Variants in CHCHD6 observed in about 807,000 individuals in gnomAD.
CHCHD6 encodes MICOS complex subunit MIC25.
A neutral mutation model predicts 32.3 loss-of-function variants in CHCHD6; 28 were observed. The observed-to-expected ratio is 0.87, with a 90% CI of 0.64 to 1.19. The LOEUF (loss-of-function observed/expected upper bound fraction) is 1.19, where lower values mean the gene tolerates loss of function less well. CHCHD6 is among the 50% of genes most tolerant of loss of function. The pLI, the probability that CHCHD6 is intolerant of heterozygous loss-of-function variation, is 0.00. For synonymous variants in CHCHD6, 122 were observed against 117.5 expected (o/e 1.04, Z -0.25); for missense variants, 333 against 307.0 (o/e 1.08, Z -0.63).
At chr3:126,936,942 C>T (rs1335788354) in intron 6 of CHCHD6, among the ~76,000 whole-genome samples, 1 of 152,202 alleles carries the variant, frequency 6.6e-6, no homozygotes, top group Non-Finnish European at 1.5e-5. Context: ...CTATTGGTCC[C>T]TTCCCTCCTT....
intron 2 of CHCHD6, among the ~76,000 whole-genome samples, chr3:126,727,761 C>A (rs62263267): frequency 0.14 from 21,224 of 152,198 alleles, 1,992 homozygotes; most frequent in Non-Finnish European, 0.21. Flanking sequence ...CTGATTTGTT[C>A]CCTACTGTAT....
chr3:126,840,656 ATTTTC>A (rs1410933122), intron 4 of CHCHD6, among the ~76,000 whole-genome samples: 3 of 152,052 alleles, frequency 2.0e-5, no homozygotes, highest in Non-Finnish European at 2.9e-5. Context: ...GGATAGGTAT[ATTTTC>A]TTTTCTGATT....
At chr3:126,725,063 C>A (rs1268178880) in intron 1 of CHCHD6, among the ~76,000 whole-genome samples, 2 of 152,166 alleles carry the variant, frequency 1.3e-5, no homozygotes, top group East Asian at 3.8e-4. Flanking sequence ...TGACCTCTTC[C>A]CATGAATCAT....
intron 5 of CHCHD6, among the ~76,000 whole-genome samples, chr3:126,912,745 G>T (rs1452637238): frequency 2.6e-5 from 4 of 152,214 alleles, no homozygotes; most frequent in African/African-American, 9.6e-5. Context: ...TTCCCCAGGG[G>T]CTCACCTTCC....
intron 4 of CHCHD6, chr3:126,766,877 G>A (rs1559831469): frequency 1.0e-6 from 1 of 968,852 alleles, no homozygotes; most frequent in Non-Finnish European, 1.7e-6. Context: ...TTCACCAGGT[G>A]GGGGACCATC....
chr3:126,855,481 GT>G (rs1425968070), intron 5 of CHCHD6, among the ~76,000 whole-genome samples: 1 of 152,208 alleles, frequency 6.6e-6, no homozygotes, highest in Non-Finnish European at 1.5e-5. Flanking sequence ...TGGGGGCTCT[GT>G]TTCATGTCAC....
At chr3:126,808,911 A>G (rs752703361) in intron 4 of CHCHD6, among the ~76,000 whole-genome samples, 7 of 152,098 alleles carry the variant, frequency 4.6e-5, no homozygotes, top group African/African-American at 7.2e-5. Flanking sequence ...AGCAGATGTT[A>G]TTGTCCGCAA....
At chr3:126,865,362 C>T (rs1942254820) in intron 5 of CHCHD6, among the ~76,000 whole-genome samples, 1 of 151,858 alleles carries the variant, frequency 6.6e-6, no homozygotes, top group Non-Finnish European at 1.5e-5. Context: ...TCTGCCCCCA[C>T]CACCACCACC....
chr3:126,960,126 C>T (rs767912611), intron 7 of CHCHD6, 70 bp from the exon 8 acceptor site: 31 of 1,543,586 alleles, frequency 2.0e-5, no homozygotes, highest in Middle Eastern at 1.7e-4. Flanking sequence ...TGTCACAGGG[C>T]GATCTGCACG....
intron 4 of CHCHD6, among the ~76,000 whole-genome samples, chr3:126,735,883 G>A (rs543652013): frequency 1.1e-4 from 17 of 152,246 alleles, no homozygotes; most frequent in African/African-American, 3.9e-4. Context: ...CTATTGGAAA[G>A]GCATCTCCTA....
In CHCHD6 at chr3:126,811,405, A is replaced by G. The variant is rs1483784117; in HGVS notation, c.412-41242A>G. Among the ~76,000 whole-genome samples, 4 of 152,316 alleles carry G rather than the reference A, an allele frequency of 2.6e-5. No homozygotes were observed. The East Asian group carries it at 5.8e-4, about 22-fold the overall frequency. ...TTCTAAGTGAGAAATCCAGGGTTTTATATGAAACATCTCAAGTTTTAAGTG... is the reference window on the plus strand; with the variant it reads ...TTCTAAGTGAGAAATCCAGGGTTTTGTATGAAACATCTCAAGTTTTAAGTG... On this transcript the variant is annotated intron_variant, in intron 4 of 7. Coordinates refer to ENST00000290913, the MANE Select transcript of CHCHD6 (RefSeq NM_032343.3).
At chr3:126,787,462 G>A (rs1288789163) in intron 4 of CHCHD6, among the ~76,000 whole-genome samples, 2 of 152,166 alleles carry the variant, frequency 1.3e-5, no homozygotes, top group Admixed American at 6.5e-5. Context: ...CATGAGCATG[G>A]AATGTTCTTC....
chr3:126,789,797 T>C (rs1362760883), intron 4 of CHCHD6, among the ~76,000 whole-genome samples: 9 of 152,220 alleles, frequency 5.9e-5, no homozygotes, highest in Non-Finnish European at 1.0e-4. Context: ...CTCTCTGTCT[T>C]TTAATTGGAA....
chr3:126,767,320 C>G, intron 4 of CHCHD6: 3 of 1,031,912 alleles, frequency 2.9e-6, no homozygotes, highest in Non-Finnish European at 4.6e-6. Context: ...ACACGGAGCC[C>G]ATTTCCATCA....
intron 4 of CHCHD6, among the ~76,000 whole-genome samples, chr3:126,748,403 T>C (rs557410903): frequency 1.6e-3 from 250 of 152,258 alleles, no homozygotes; most frequent in Non-Finnish European, 2.7e-3. Context: ...GAGACCAGCC[T>C]GGGCAACATG....
At chr3:126,774,228 A>G (rs1937595232) in intron 4 of CHCHD6, among the ~76,000 whole-genome samples, 1 of 152,220 alleles carries the variant, frequency 6.6e-6, no homozygotes, top group South Asian at 2.1e-4. Flanking sequence ...ACATGTAACA[A>G]CCATATAATA....
intron 4 of CHCHD6, among the ~76,000 whole-genome samples, chr3:126,831,700 T>C (rs1402910944): frequency 6.6e-6 from 1 of 152,184 alleles, no homozygotes; most frequent in Admixed American, 6.5e-5. Context: ...ATACTCAATA[T>C]GTGTGCTTCA....
chr3:126,867,441 G>T (rs572041899), intron 5 of CHCHD6, among the ~76,000 whole-genome samples: 2 of 152,166 alleles, frequency 1.3e-5, no homozygotes, highest in Admixed American at 1.3e-4. Flanking sequence ...AGGTACTTAC[G>T]GGTTGAAGAG....
At chr3:126,852,573 G>A (rs41266463) in intron 4 of CHCHD6, 74 bp from the exon 5 acceptor site, 14,302 of 1,033,730 alleles carry the variant, frequency 0.014, 151 homozygotes, top group Middle Eastern at 0.035. Flanking sequence ...AGAAATGTCC[G>A]TCGCCTTCTC....
Sources: allele counts gnomAD v4.1 joint callset (sites outside exome capture counted in the v4.1 genomes callset), GRCh38; gene constraint gnomAD v4.1.1; transcripts MANE v1.5; gene names NCBI Gene and HGNC (gene_info 2026-07-23, HGNC 2026-07-21).